The following CDC40 variants were observed in gnomAD, a reference collection of about 807,000 sequenced individuals.
CDC40 encodes the protein cell division cycle 40, also known as pre-mRNA-processing factor 17.
A neutral mutation model predicts 80.6 loss-of-function variants in CDC40; 27 were observed. The ratio of observed to expected loss-of-function variants is 0.33; its 90% CI spans 0.25 to 0.46. The LOEUF (loss-of-function observed/expected upper bound fraction) is 0.46, where lower values mean the gene tolerates loss of function less well. CDC40 is among the 20% of genes least tolerant of loss of function. CDC40 has a pLI of 1.00. For missense variants in CDC40, 486 were observed against 694.1 expected (o/e 0.70, Z 3.37); for synonymous variants, 221 against 232.6 (o/e 0.95, Z 0.45).
In CDC40 at chr6:110,230,185, T is replaced by C; in HGVS notation, c.*54T>C. On this transcript the variant is annotated 3_prime_UTR_variant, in exon 15 of 15. Transcript: ENST00000307731. Reference sequence around the variant, plus strand: ...CATTTTTGATCCATTGTCATATTTATATTTAATTATTAAATGTATCTGATG... The same window carrying C: ...CATTTTTGATCCATTGTCATATTTACATTTAATTATTAAATGTATCTGATG... 1.9e-6 allele frequency: 2 copies of C among 1,031,174 alleles called. No homozygotes were observed. Among genetic ancestry groups the C allele is most frequent in the Non-Finnish European group, 2.9e-6 (2 of 684,038 alleles). 63.9% of individuals were successfully genotyped at this position (1,031,174 alleles called of 1,614,324 possible). A position where few individuals can be genotyped will look rare whatever the true frequency, so the allele number is the denominator to read the frequency against.
chr6:110,221,912 C>T (rs1777782584), intron 12 of CDC40, among the ~76,000 whole-genome samples: 1 of 148,800 alleles, frequency 6.7e-6, no homozygotes, highest in South Asian at 2.1e-4. Context: ...GGAAATACTC[C>T]TAAAAAGTCA....
chr6:110,219,541 T>C, intron 11 of CDC40, 62 bp downstream of exon 11: 2 of 1,124,178 alleles, frequency 1.8e-6, no homozygotes, highest in South Asian at 2.6e-5. Context: ...GGGGATGGAA[T>C]AAGTTAATAA....
At chr6:110,223,575 C>T (rs1009084947) in intron 12 of CDC40, among the ~76,000 whole-genome samples, 1 of 152,092 alleles carries the variant, frequency 6.6e-6, no homozygotes, top group Admixed American at 6.5e-5. Context: ...GGAAGGGAGG[C>T]CCTGACCTCC....
At chr6:110,227,322 G>C (rs1430047608) in intron 13 of CDC40, among the ~76,000 whole-genome samples, 1 of 152,206 alleles carries the variant, frequency 6.6e-6, no homozygotes, top group Non-Finnish European at 1.5e-5. Context: ...TTAACTCCAA[G>C]TGTAGGGCAA....
intron 7 of CDC40, 48 bp downstream of exon 7, chr6:110,212,320 G>A (rs199531419): frequency 1.4e-4 from 218 of 1,592,538 alleles, no homozygotes; most frequent in Non-Finnish European, 1.8e-4. Flanking sequence ...TAATAATGAA[G>A]CCAACGTAAA....
Position 110,226,101 on chromosome 6 carries a change from C to G in CDC40, c.1341-66C>G, listed in dbSNP as rs558056378. ...TTTATTTGCATATTATTCCTTTGTT[C>G]CAGAGATAATTCTGAAGGTACTTTT... On this transcript the variant is annotated intron_variant, in intron 12 of 14. Coordinates refer to ENST00000307731, the MANE Select transcript of CDC40 (RefSeq NM_015891.3). The G allele has an allele frequency of 2.1e-4, 167 of 804,458 alleles. 1 individual carries two copies. The highest frequency in any genetic ancestry group is 2.8e-4 in the Non-Finnish European group (131 of 462,776). The allele number at this position is 804,458 out of a possible 1,614,324, so 49.8% of individuals were successfully genotyped here. A position where few individuals can be genotyped will look rare whatever the true frequency, so the allele number is the denominator to read the frequency against.
rs527726746 is a variant in CDC40 at position 110,223,989 on chromosome 6, T to C, written c.1341-2178T>C. 9.2e-5 allele frequency among the ~76,000 whole-genome samples: 14 copies of C among 151,978 alleles called. No individual in the cohort carries two copies. In the South Asian group the frequency reaches 1.9e-3, roughly 20 times the overall value. On this transcript the variant is annotated intron_variant, in intron 12 of 14. Coordinates refer to ENST00000307731, the MANE Select transcript of CDC40 (RefSeq NM_015891.3). ...CTGGGACTACAGTAATGCGCCACCATGCTCAGCTAATTTTTGTATTTTTAG... is the reference window on the plus strand; with the variant it reads ...CTGGGACTACAGTAATGCGCCACCACGCTCAGCTAATTTTTGTATTTTTAG...
Position 110,230,026 on chromosome 6 carries a change from A to T in CDC40, c.1635A>T (p.Arg545=). The T allele has an allele frequency of 1.9e-6, 3 of 1,612,664 alleles. No individual in the cohort carries two copies. Among genetic ancestry groups the T allele is most frequent in the Non-Finnish European group, 2.5e-6 (3 of 1,178,776 alleles). ...GGAAGACCACAAAACTCTACAGTCG[A>T]TTTAAAGCTCATGATAAAGTGTGTA... ...WDWKTTKLYS[R]FKAHDKVCIG... Residue 545 remains arginine, a synonymous_variant, in exon 15 of 15, where the codon CGA becomes CGT. Transcript: ENST00000307731.
At chr6:110,225,294 G>C (rs952509776) in intron 12 of CDC40, among the ~76,000 whole-genome samples, 1 of 152,044 alleles carries the variant, frequency 6.6e-6, no homozygotes, top group East Asian at 1.9e-4. Flanking sequence ...AAATATTTCT[G>C]GTCTCATGAA....
chr6:110,194,639 C>T (rs1216696671), intron 2 of CDC40, among the ~76,000 whole-genome samples: 1 of 152,138 alleles, frequency 6.6e-6, no homozygotes, highest in Non-Finnish European at 1.5e-5. Context: ...GTCTCATATC[C>T]ATTGGCACCA....
intron 11 of CDC40, 31 bp downstream of exon 11, chr6:110,219,510 C>A: frequency 7.9e-7 from 1 of 1,267,230 alleles, no homozygotes; most frequent in South Asian, 1.2e-5. Context: ...TGTTAAGACT[C>A]CTAAGCTTTA....
chr6:110,209,374 T>G (rs1023705455), intron 5 of CDC40, 151 bp downstream of exon 5: 3 of 549,104 alleles, frequency 5.5e-6, no homozygotes, highest in Non-Finnish European at 9.6e-6. Context: ...ACAATAAAAT[T>G]TATTTGTTTT....
At chr6:110,188,215 A>G (rs1777299905) in intron 1 of CDC40, among the ~76,000 whole-genome samples, 3 of 152,216 alleles carry the variant, frequency 2.0e-5, no homozygotes, top group Admixed American at 6.5e-5. Context: ...CTCATATCCC[A>G]TATTATAAAG....
At chr6:110,215,730 C>T (rs1311292138) in intron 9 of CDC40, among the ~76,000 whole-genome samples, 3 of 152,120 alleles carry the variant, frequency 2.0e-5, no homozygotes, top group Non-Finnish European at 4.4e-5. Flanking sequence ...CGGAAAGCAA[C>T]ATGATTTGAA....
chr6:110,203,086 G>A (rs1777513855), intron 3 of CDC40, among the ~76,000 whole-genome samples: 1 of 152,122 alleles, frequency 6.6e-6, no homozygotes, highest in Non-Finnish European at 1.5e-5. Flanking sequence ...AGTGAACTTA[G>A]TAAGATTTAG....
At chr6:110,219,926 A>G (rs1049735774) in intron 12 of CDC40, 57 bp downstream of exon 12, 12 of 1,549,408 alleles carry the variant, frequency 7.7e-6, no homozygotes, top group African/African-American at 2.8e-5. Context: ...TAAAAATTAT[A>G]TAGACAAAGA....
At position 110,193,199 on chromosome 6, in the gene CDC40, A is replaced by C; in HGVS notation, c.207A>C (p.Gly69=). 5 of 1,599,636 alleles carry C rather than the reference A, an allele frequency of 3.1e-6. No individual in the cohort carries two copies. Among genetic ancestry groups the C allele is most frequent in the Non-Finnish European group, 4.3e-6 (5 of 1,167,000 alleles). ...CTTTTTAGGAAGATTTGGAGACTGG[A>C]GTTCACCTTGACCCTGCCGTCAAAG... is the stretch of plus-strand genomic sequence containing the variant. The part of the protein sequence containing the change: ...EVAVKEDLET[G]VHLDPAVKEV... The change falls in exon 2 of 15, where the codon GGA becomes GGC. Residue 69 remains glycine (G), a synonymous_variant. Transcript: ENST00000307731.
At chr6:110,228,375 A>G (rs554694334) in intron 13 of CDC40, among the ~76,000 whole-genome samples, 3 of 152,100 alleles carry the variant, frequency 2.0e-5, no homozygotes, top group Admixed American at 2.0e-4. Flanking sequence ...AATTTTTAAT[A>G]TATCTTTTTT....
Position 110,231,017 on chromosome 6 carries a change from CAT to C in CDC40, c.*889_*890del, listed in dbSNP as rs1777929870. 6.6e-6 allele frequency: 1 copy of C among 152,072 alleles called. No homozygotes were observed. The highest frequency in any genetic ancestry group is 2.4e-5 in the African/African-American group (1 of 41,404). 9.4% of individuals were successfully genotyped at this position (152,072 alleles called of 1,614,324 possible). A position where few individuals can be genotyped will look rare whatever the true frequency, so the allele number is the denominator to read the frequency against. ...TGTCAACTTGTAATTTCTTTGAAGT[CAT>C]ATGTTTTATCTTTAAAATTATTCTT... On this transcript the variant is annotated 3_prime_UTR_variant, in exon 15 of 15. Transcript: ENST00000307731.
Sources: allele counts gnomAD v4.1 joint callset (sites outside exome capture counted in the v4.1 genomes callset), GRCh38; gene constraint gnomAD v4.1.1; transcripts MANE v1.5; gene names NCBI Gene and HGNC (gene_info 2026-07-23, HGNC 2026-07-21).